Variants in IRF2 observed in about 807,000 individuals in gnomAD.
IRF2 encodes interferon regulatory factor 2.
A neutral mutation model predicts 40.6 loss-of-function variants in IRF2; 15 were observed. That is an observed-to-expected ratio of 0.37 (90% CI 0.25 to 0.57). IRF2 has a LOEUF of 0.57. Ranked by LOEUF, IRF2 falls within the 20% of genes least tolerant of loss-of-function variation. The pLI is 0.77. For missense variants in IRF2, 317 were observed against 455.7 expected (o/e 0.70, Z 2.77); for synonymous variants, 151 against 165.5 (o/e 0.91, Z 0.67).
Position 184,392,522 on chromosome 4 carries a change from G to C in IRF2, c.695-1773C>G, listed in dbSNP as rs1484512119. 3.3e-5 allele frequency among the ~76,000 whole-genome samples: 5 copies of C among 152,340 alleles called. No individual in the cohort carries two copies. In the East Asian group the frequency reaches 9.6e-4, roughly 29 times the overall value. ...CTCTCATCCCCCGTTACGCAGAAGA[G>C]CTCTTATGCTCCAGTGCCTTCCAGC... On this transcript the variant is annotated intron_variant, in intron 7 of 8. Coordinates refer to ENST00000393593, the MANE Select transcript of IRF2 (RefSeq NM_002199.4).
rs1167640051 is a variant in IRF2, at chr4:184,419,512, C to T, written c.144G>A (p.Val48=). The T allele has an allele frequency of 2.5e-6, 4 of 1,610,378 alleles. No individual in the cohort carries two copies. The South Asian group carries it at 4.4e-5, about 18-fold the overall frequency. Residue 48 remains valine, a synonymous_variant, in exon 3 of 9, where the codon GTG becomes GTA. Coordinates refer to ENST00000393593, the MANE Select transcript of IRF2 (RefSeq NM_002199.4). The part of the protein sequence containing the change: ...WMHAARHGWD[V]EKDAPLFRNW... ...TTCTAAAGAGTGGTGCATCTTTTTC[C>T]ACATCCCACCCATGTCTAGCCGCAT...
intron 5 of IRF2, among the ~76,000 whole-genome samples, chr4:184,414,233 T>C (rs1192569603): frequency 2.0e-5 from 3 of 152,274 alleles, no homozygotes; most frequent in Non-Finnish European, 4.4e-5. Flanking sequence ...CTTCTATTCT[T>C]ACTGTTCTTG....
intron 2 of IRF2, among the ~76,000 whole-genome samples, chr4:184,426,507 G>A (rs190703340): frequency 5.3e-5 from 8 of 152,244 alleles, no homozygotes; most frequent in African/African-American, 1.7e-4. Context: ...AGAAAATCCA[G>A]GATGATTTCA....
At chr4:184,470,560 G>A (rs1052568948) in intron 1 of IRF2, among the ~76,000 whole-genome samples, 9 of 151,920 alleles carry the variant, frequency 5.9e-5, no homozygotes, top group Non-Finnish European at 1.0e-4. Context: ...GCACGCCTGC[G>A]CACACCTGTA....
chr4:184,389,432 C>CA (rs1030485860), intron 8 of IRF2, among the ~76,000 whole-genome samples: 2 of 151,910 alleles, frequency 1.3e-5, no homozygotes, highest in African/African-American at 2.4e-5. Flanking sequence ...CAACAACCCA[C>CA]AAAAAAAATT....
At chr4:184,452,147 T>TC (rs1738735371) in intron 1 of IRF2, among the ~76,000 whole-genome samples, 1 of 151,828 alleles carries the variant, frequency 6.6e-6, no homozygotes, top group African/African-American at 2.4e-5. Flanking sequence ...CAGGCCCAAG[T>TC]CCCCCCAGCA....
In IRF2 at chr4:184,474,107, T is replaced by G. The variant is rs931958726; in HGVS notation, c.-7+272A>C. ...CTCCTCCTCCTCCTCCCTCTCTACC[T>G]CCTCCTCCTCCTCCTCCTCGCAGCC... On this transcript the variant is annotated intron_variant, in intron 1 of 8. Coordinates refer to ENST00000393593, the MANE Select transcript of IRF2 (RefSeq NM_002199.4). The surrounding 1 kb of genome is among the most constrained non-coding windows in gnomAD (Gnocchi z 5.6). The G allele has an allele frequency of 1.3e-5, 2 of 149,420 alleles. No homozygotes were observed. Among genetic ancestry groups the G allele is most frequent in the Non-Finnish European group, 2.9e-5 (2 of 68,094 alleles). The allele number at this position is 149,420 out of a possible 1,614,324, so 9.3% of individuals were successfully genotyped here.
chr4:184,432,856 C>T (rs560523136), intron 1 of IRF2, among the ~76,000 whole-genome samples: 30 of 152,292 alleles, frequency 2.0e-4, no homozygotes, highest in African/African-American at 7.2e-4. Context: ...TCCCCAAGAC[C>T]CTTGAGGCAG....
intron 1 of IRF2, among the ~76,000 whole-genome samples, chr4:184,442,931 T>G (rs1738367529): frequency 1.3e-5 from 2 of 151,684 alleles, no homozygotes; most frequent in South Asian, 2.1e-4. Context: ...GAGGGGTTGT[T>G]TTGTTTTGTT....
At chr4:184,452,819 G>C (rs1436058492) in intron 1 of IRF2, among the ~76,000 whole-genome samples, 1 of 113,092 alleles carries the variant, frequency 8.8e-6, no homozygotes, top group African/African-American at 3.3e-5. Flanking sequence ...AGAAGAAATA[G>C]AGAGAGAAGA....
chr4:184,427,042 T>C lies in IRF2; in HGVS notation c.87+1936A>G, dbSNP rs182668858. On this transcript the variant is annotated intron_variant, in intron 2 of 8. Transcript: ENST00000393593. ...AGTGCTGAGTACAAGTCAGCTTTCA[T>C]TCAGTGTCATTTGCTACCCTGGCTC... is the stretch of plus-strand genomic sequence containing the variant. 6.8e-4 allele frequency among the ~76,000 whole-genome samples: 104 copies of C among 152,342 alleles called. 1 individual carries two copies. The East Asian group carries it at 0.017, about 25-fold the overall frequency.
intron 1 of IRF2, among the ~76,000 whole-genome samples, chr4:184,435,978 T>C (rs1436013040): frequency 7.6e-6 from 1 of 131,210 alleles, no homozygotes; most frequent in African/African-American, 3.0e-5. Context: ...TTTCTTTTTC[T>C]TTTTTCTTTT....
rs764433854 is a variant in IRF2 at position 184,389,057 on chromosome 4, G to A, written c.751C>T (p.His251Tyr). 1.2e-6 allele frequency: 2 copies of A among 1,613,958 alleles called. No individual in the cohort carries two copies. The highest frequency in any genetic ancestry group is 1.7e-5 in the Admixed American group (1 of 59,978). ...SDEESAEGRPHWRKRNIEGKQ... is the reference protein window; with the variant it reads ...SDEESAEGRPYWRKRNIEGKQ... Reference sequence around the variant, plus strand: ...CCTTCAATATTCCTCTTCCGCCAGTGTGGCCGCCCCTTTCAAGAAAGTAAT... The same window carrying A: ...CCTTCAATATTCCTCTTCCGCCAGTATGGCCGCCCCTTTCAAGAAAGTAAT... Residue 251 changes from histidine to tyrosine, a missense_variant, in exon 9 of 9, where the codon CAC becomes TAC. By Grantham distance (83) the His-to-Tyr change is moderately conservative. This residue lies in a region of IRF2 where 262 missense variants were observed against 334.0 expected (regional missense o/e 0.78). Coordinates refer to ENST00000393593, the MANE Select transcript of IRF2 (RefSeq NM_002199.4).
chr4:184,438,262 G>T (rs13116389), intron 1 of IRF2, among the ~76,000 whole-genome samples: 23,597 of 152,152 alleles, frequency 0.16, 2,083 homozygotes, highest in East Asian at 0.22. Context: ...ATCTACATCC[G>T]TCTGACTCCA....
At chr4:184,417,404 G>C (rs1737320554) in intron 5 of IRF2, among the ~76,000 whole-genome samples, 3 of 152,238 alleles carry the variant, frequency 2.0e-5, no homozygotes, top group Admixed American at 2.0e-4. Context: ...GGAGGCCAGG[G>C]AGCTCGACAA....
In IRF2 at chr4:184,408,141, A is replaced by G. The variant is rs1736929351; in HGVS notation, c.529+17T>C. 5 of 1,464,044 alleles carry G rather than the reference A, an allele frequency of 3.4e-6. No homozygotes were observed. In the East Asian group the frequency reaches 9.1e-5, roughly 27 times the overall value. The allele number at this position is 1,464,044 out of a possible 1,614,324, so 90.7% of individuals were successfully genotyped here. ...GCTGCTGGTATGTATAAAAAATGAG[A>G]CGTCAAAACAGTTTACCTATGATGT... On this transcript the variant is annotated intron_variant, in intron 6 of 8. Coordinates refer to ENST00000393593, the MANE Select transcript of IRF2 (RefSeq NM_002199.4). The surrounding 1 kb of genome is among the most constrained non-coding windows in gnomAD (Gnocchi z 4.9).
chr4:184,401,740 G>T (rs1424467710), intron 6 of IRF2, among the ~76,000 whole-genome samples: 2 of 152,232 alleles, frequency 1.3e-5, no homozygotes, highest in Non-Finnish European at 2.9e-5. Flanking sequence ...CAAATGGGGT[G>T]TGAGAGTTTG....
chr4:184,414,366 G>A (rs1737186334), intron 5 of IRF2, among the ~76,000 whole-genome samples: 1 of 152,204 alleles, frequency 6.6e-6, no homozygotes, highest in Non-Finnish European at 1.5e-5. Context: ...GGTGGGGAAG[G>A]GGTCCTGCTC....
At chr4:184,412,005 TA>T (rs35183333) in intron 5 of IRF2, among the ~76,000 whole-genome samples, 26,618 of 94,678 alleles carry the variant, frequency 0.28, 3,278 homozygotes, top group Non-Finnish European at 0.36. Context: ...CTCCAAAGAT[TA>T]AAAAAAAAAA....
Sources: gnomAD v4.1 joint callset for allele counts (sites outside exome capture counted in the v4.1 genomes callset) on GRCh38, gnomAD v4.1.1 for gene constraint, gnomAD v4.1.1 regional missense constraint, Gnocchi (gnomAD v3.1) non-coding constraint, MANE v1.5 for transcripts, NCBI Gene and HGNC (gene_info 2026-07-23, HGNC 2026-07-21) for gene names.